The following GRIN2B variants were observed in gnomAD, a reference collection of about 807,000 sequenced individuals.
GRIN2B encodes the protein glutamate receptor ionotropic, NMDA 2B.
A neutral mutation model predicts 114.5 loss-of-function variants in GRIN2B; 5 were observed. The observed-to-expected ratio is 0.04, with a 90% CI of 0.02 to 0.09. GRIN2B has a LOEUF of 0.09. Among genes scored for constraint, GRIN2B ranks in the 10% least tolerant of loss-of-function variants. GRIN2B has a pLI of 1.00. For missense variants in GRIN2B, 1,108 were observed against 1,943.5 expected, an observed-to-expected ratio of 0.57 and a Z score of 8.08; for synonymous variants, 787 against 745.1, an observed-to-expected ratio of 1.06 and a Z score of -0.92.
At chr12:13,826,404 G>A (rs1397269380) in intron 3 of GRIN2B, among the ~76,000 whole-genome samples, 1 of 152,134 alleles carries the variant, frequency 6.6e-6, no homozygotes, top group Non-Finnish European at 1.5e-5. Flanking sequence ...CCAGGAGGCG[G>A]AGGTTGCGGT....
intron 3 of GRIN2B, among the ~76,000 whole-genome samples, chr12:13,803,374 A>C (rs1341099933): frequency 6.6e-6 from 1 of 152,138 alleles, no homozygotes; most frequent in South Asian, 2.1e-4. Context: ...GTCACATGCC[A>C]GGTACTGGGC....
At chr12:13,801,768 G>T (rs1003747798) in intron 3 of GRIN2B, among the ~76,000 whole-genome samples, 3 of 152,066 alleles carry the variant, frequency 2.0e-5, no homozygotes, top group Admixed American at 2.0e-4. Flanking sequence ...TGAACTTTTG[G>T]AGACCACTCA....
At chr12:13,790,994 CAG>C (rs1158513792) in intron 3 of GRIN2B, among the ~76,000 whole-genome samples, 2 of 152,100 alleles carry the variant, frequency 1.3e-5, no homozygotes, top group African/African-American at 4.8e-5. Context: ...AGAAGGGACA[CAG>C]GGGTCACAGC....
chr12:13,697,266 AAATT>A (rs1950269263), intron 4 of GRIN2B, among the ~76,000 whole-genome samples: 1 of 152,138 alleles, frequency 6.6e-6, no homozygotes, highest in South Asian at 2.1e-4. Context: ...CATAACCTTA[AAATT>A]CATCCAATTC....
chr12:13,796,456 A>G (rs1591736631), intron 3 of GRIN2B, among the ~76,000 whole-genome samples: 1 of 152,366 alleles, frequency 6.6e-6, no homozygotes, highest in South Asian at 2.1e-4. Flanking sequence ...GGCATGATCA[A>G]CTATAGCTTG....
intron 3 of GRIN2B, among the ~76,000 whole-genome samples, chr12:13,759,918 C>T (rs1409071027): frequency 2.0e-5 from 3 of 152,220 alleles, no homozygotes; most frequent in Admixed American, 2.0e-4. Context: ...CACACTCACA[C>T]ATTCTTGCAC....
chr12:13,676,974 C>T (rs1950080593), intron 4 of GRIN2B, among the ~76,000 whole-genome samples: 1 of 152,132 alleles, frequency 6.6e-6, no homozygotes, highest in African/African-American at 2.4e-5. Context: ...GTCTTCCTCC[C>T]GGACACCTTC....
At chr12:13,900,640 C>T (rs1161656321) in intron 2 of GRIN2B, among the ~76,000 whole-genome samples, 1 of 152,180 alleles carries the variant, frequency 6.6e-6, no homozygotes, top group African/African-American at 2.4e-5. Context: ...AGGAAACCCC[C>T]ATTGAGTACT....
intron 3 of GRIN2B, among the ~76,000 whole-genome samples, chr12:13,825,871 G>C (rs1300533512): frequency 6.6e-6 from 1 of 152,172 alleles, no homozygotes; most frequent in Non-Finnish European, 1.5e-5. Context: ...ATTTGTCATA[G>C]ATAGCATATA....
At chr12:13,625,813 A>G (rs552958427) in intron 5 of GRIN2B, among the ~76,000 whole-genome samples, 2 of 152,304 alleles carry the variant, frequency 1.3e-5, no homozygotes, top group Admixed American at 6.5e-5. Context: ...TTCTGAATTT[A>G]CCCAAGGTCT....
chr12:13,786,691 A>G (rs1864227334), intron 3 of GRIN2B, among the ~76,000 whole-genome samples: 1 of 152,072 alleles, frequency 6.6e-6, no homozygotes, highest in Non-Finnish European at 1.5e-5. Context: ...AAAAAGGAAA[A>G]GAAAAAATCC....
chr12:13,834,309 T>C (rs1279329942), intron 3 of GRIN2B, among the ~76,000 whole-genome samples: 1 of 151,544 alleles, frequency 6.6e-6, no homozygotes, highest in African/African-American at 2.4e-5. Flanking sequence ...AGTGCTGTGA[T>C]GACAGGCATG....
intron 8 of GRIN2B, among the ~76,000 whole-genome samples, chr12:13,614,355 C>G (rs1014954871): frequency 3.3e-5 from 5 of 152,136 alleles, no homozygotes; most frequent in Non-Finnish European, 5.9e-5. Flanking sequence ...TTGTTTATGC[C>G]AAACCCAGTC....
chr12:13,862,423 T>G (rs1308913618), intron 3 of GRIN2B, among the ~76,000 whole-genome samples: 2 of 152,206 alleles, frequency 1.3e-5, no homozygotes, highest in Admixed American at 1.3e-4. Context: ...TAAAACAGAC[T>G]GACAATTACC....
At chr12:13,787,547 T>G (rs1160566062) in intron 3 of GRIN2B, among the ~76,000 whole-genome samples, 2 of 152,178 alleles carry the variant, frequency 1.3e-5, no homozygotes, top group African/African-American at 4.8e-5. Context: ...ACACAAAGAT[T>G]TGCCAATTCA....
intron 9 of GRIN2B, among the ~76,000 whole-genome samples, chr12:13,611,097 T>C (rs987982481): frequency 8.5e-5 from 13 of 152,198 alleles, no homozygotes; most frequent in Non-Finnish European, 5.9e-5. Context: ...CTCAAACACA[T>C]GGGCAGCCCT....
chr12:13,811,697 T>C (rs1466116190), intron 3 of GRIN2B, among the ~76,000 whole-genome samples: 1 of 152,268 alleles, frequency 6.6e-6, no homozygotes, highest in Non-Finnish European at 1.5e-5. Context: ...AGGCATTTCC[T>C]GCATTTCCCC....
At chr12:13,600,037 G>A (rs970106048) in intron 10 of GRIN2B, among the ~76,000 whole-genome samples, 2 of 152,284 alleles carry the variant, frequency 1.3e-5, no homozygotes, top group African/African-American at 4.8e-5. Context: ...CAATGCAGGT[G>A]ACAAAACTGT....
At position 13,558,189 on chromosome 12, in the gene GRIN2B, T is replaced by C. The variant is rs1244451811; in HGVS notation, c.*4594A>G. The C allele has an allele frequency of 6.6e-6, 1 of 152,278 alleles. No homozygotes were observed. 9.4% of individuals were successfully genotyped at this position (152,278 alleles called of 1,614,324 possible). ...CAGCCTACTGAGCATGTATTTCCTA[T>C]ATGGCTTTGGGCTCAGAGAGCACAT... On this transcript the variant is annotated 3_prime_UTR_variant, in exon 14 of 14. Transcript: ENST00000609686.
Sources: allele counts gnomAD v4.1 joint callset (sites outside exome capture counted in the v4.1 genomes callset), GRCh38; gene constraint gnomAD v4.1.1; transcripts MANE v1.5; gene names NCBI Gene and HGNC (gene_info 2026-07-23, HGNC 2026-07-21).